WDR91: variants seen among roughly 807,000 people sequenced by gnomAD.
WDR91 encodes the protein WD repeat domain 91, also known as WD repeat-containing protein 91.
WDR91 carries 52 observed loss-of-function variants against 88.4 expected under a neutral mutation model. The observed-to-expected ratio is 0.59, with a 90% CI of 0.47 to 0.74. The LOEUF (loss-of-function observed/expected upper bound fraction) is 0.74. Among genes scored for constraint, WDR91 ranks in the 30% least tolerant of loss-of-function variants. The pLI is 0.00. For synonymous variants in WDR91, 362 were observed against 389.5 expected, an observed-to-expected ratio of 0.93 and a Z score of 0.83; for missense variants, 824 against 954.5, an observed-to-expected ratio of 0.86 and a Z score of 1.80.
In WDR91 at chr7:135,193,365, AG is replaced by A. The variant is rs777079974; in HGVS notation, c.1524del (p.Ser509LeufsTer27). 2 of 1,614,196 alleles carry A rather than the reference AG, an allele frequency of 1.2e-6. No homozygotes were observed. Among genetic ancestry groups the A allele is most frequent in the Non-Finnish European group, 1.7e-6 (2 of 1,180,046 alleles). ...GGAGCTGCTGCCGAACAGACGAAAG[AG>A]GCCCCGTTGGGGCTGCACGCAAGAG... ...ILSLACSPNG[A>X]SFVCSAAAPS... On this transcript the variant is annotated frameshift_variant, in exon 11 of 15. Transcript: ENST00000354475. LOFTEE classifies it high-confidence loss of function.
At chr7:135,198,731 A>C (rs1402022542) in intron 6 of WDR91, 4 of 152,300 alleles carry the variant, frequency 2.6e-5, no homozygotes, top group Non-Finnish European at 5.9e-5. Flanking sequence ...AATGTTAAGA[A>C]AGATAAATCG....
intron 1 of WDR91, among the ~76,000 whole-genome samples, chr7:135,210,328 C>T (rs1014402891): frequency 1.1e-4 from 16 of 151,944 alleles, no homozygotes; most frequent in African/African-American, 7.3e-5. Context: ...CCAGCCTAAG[C>T]GACAGAGTGA....
At position 135,195,189 on chromosome 7, in the gene WDR91, A is replaced by G; in HGVS notation, c.1245-105T>C. On this transcript the variant is annotated intron_variant, in intron 8 of 14. Transcript: ENST00000354475. ...TCCTGACTTCCTTACTGTTTTAAAA[A>G]AACAATCCCTAGAGGTCTACATTCA... 4 of 1,244,602 alleles carry G rather than the reference A, an allele frequency of 3.2e-6. No individual in the cohort carries two copies. The South Asian group carries it at 4.5e-5, about 14-fold the overall frequency. The allele number at this position is 1,244,602 out of a possible 1,614,324, so 77.1% of individuals were successfully genotyped here. A position where few individuals can be genotyped will look rare whatever the true frequency, so the allele number is the denominator to read the frequency against.
At position 135,192,535 on chromosome 7, in the gene WDR91, G is replaced by A. The variant is rs566703531; in HGVS notation, c.1659+696C>T. Among the ~76,000 whole-genome samples the A allele has an allele frequency of 2.6e-5, 4 of 152,240 alleles. 1 individual carries two copies. The highest frequency in any genetic ancestry group is 9.6e-5 in the African/African-American group (4 of 41,478). On this transcript the variant is annotated intron_variant, in intron 11 of 14. Coordinates refer to ENST00000354475, the MANE Select transcript of WDR91 (RefSeq NM_014149.4). The stretch of plus-strand genomic sequence containing the variant: ...TCGAGTGTGACCCTGACGGGCCTGA[G>A]AGGTCTGACAGACCCAAAGGGAACA...
rs1357707350 is a variant in WDR91 at position 135,196,731 on chromosome 7, G to T, written c.1051-394C>A. Among the ~76,000 whole-genome samples, 1 of 152,216 alleles carries T rather than the reference G, an allele frequency of 6.6e-6. No homozygotes were observed. The highest frequency in any genetic ancestry group is 6.5e-5 in the Admixed American group (1 of 15,288). On this transcript the variant is annotated intron_variant, in intron 7 of 14. Coordinates refer to ENST00000354475, the MANE Select transcript of WDR91 (RefSeq NM_014149.4). This position sits in a 1 kb window ranked among gnomAD's most constrained non-coding sequence, Gnocchi z 4.2. ...TTTAGTCCTCCTCAAACAATGAGAT[G>T]CTATTATCTTCCCCATTTTACAGCT... is the stretch of plus-strand genomic sequence containing the variant.
intron 11 of WDR91, among the ~76,000 whole-genome samples, chr7:135,192,021 G>A (rs1436677781): frequency 6.6e-6 from 1 of 151,926 alleles, no homozygotes; most frequent in African/African-American, 2.4e-5. Context: ...GGTCAGACTG[G>A]AAACACACTG....
chr7:135,211,465 C>T lies in WDR91; in HGVS notation c.38G>A (p.Arg13Gln), dbSNP rs747786009. 1 of 1,611,988 alleles carries T rather than the reference C, an allele frequency of 6.2e-7. No homozygotes were observed. The highest frequency in any genetic ancestry group is 2.2e-5 in the East Asian group (1 of 44,752). The change falls in exon 1 of 15, where the codon CGG (arginine) becomes CAG (glutamine). Residue 13 changes from arginine to glutamine, a missense_variant. By Grantham distance (43) the Arg-to-Gln change is conservative (BLOSUM62 1). Transcript: ENST00000354475. Reference sequence around the variant, plus strand: ...GAACCCGCGGAAGAGCAGGTACTCCCGGACCAGCTCGTCAGTGCGCTCCAC... The same window carrying T: ...GAACCCGCGGAAGAGCAGGTACTCCTGGACCAGCTCGTCAGTGCGCTCCAC... ...EAVERTDELV[R>Q]EYLLFRGFTH...
intron 6 of WDR91, chr7:135,201,968 T>C (rs1018100344): frequency 1.3e-5 from 2 of 152,120 alleles, no homozygotes; most frequent in South Asian, 2.1e-4. Context: ...AATCATGCCA[T>C]AGGGACAAAC....
Position 135,196,675 on chromosome 7 carries a change from A to G in WDR91, c.1051-338T>C, listed in dbSNP as rs961463007. Among the ~76,000 whole-genome samples the G allele has an allele frequency of 6.6e-6, 1 of 152,112 alleles. No homozygotes were observed. The highest frequency in any genetic ancestry group is 2.4e-5 in the African/African-American group (1 of 41,408). ...GGAGGATGCGTGGTGCAGGCCACAC[A>G]CCGCGCTGAGTATTTTACAGATTTC... On this transcript the variant is annotated intron_variant, in intron 7 of 14. Coordinates refer to ENST00000354475, the MANE Select transcript of WDR91 (RefSeq NM_014149.4). This position sits in a 1 kb window ranked among gnomAD's most constrained non-coding sequence, Gnocchi z 4.2.
chr7:135,193,765 TG>T lies in WDR91; in HGVS notation c.1396-94del, dbSNP rs931062669. The T allele has an allele frequency of 3.8e-6, 4 of 1,060,420 alleles. No homozygotes were observed. In the African/African-American group the frequency reaches 4.7e-5, roughly 12 times the overall value. 65.7% of individuals were successfully genotyped at this position (1,060,420 alleles called of 1,614,324 possible). ...AGAGGGGGTGAGGCTGGGCAGGCTG[TG>T]GGGGTGAGGCCCCTCCTCTACGCAT... On this transcript the variant is annotated intron_variant, in intron 9 of 14. Transcript: ENST00000354475.
At position 135,183,916 on chromosome 7, in the gene WDR91, T is replaced by A. The variant is rs1405275410; in HGVS notation, c.*2235A>T. 6.6e-6 allele frequency: 1 copy of A among 152,124 alleles called. No individual in the cohort carries two copies. The highest frequency in any genetic ancestry group is 1.9e-4 in the East Asian group (1 of 5,168). The allele number at this position is 152,124 out of a possible 1,614,324, so 9.4% of individuals were successfully genotyped here. On this transcript the variant is annotated 3_prime_UTR_variant, in exon 15 of 15. Coordinates refer to ENST00000354475, the MANE Select transcript of WDR91 (RefSeq NM_014149.4). ...GAAGTGGGATGGGAGAAGCGTAGGG[T>A]TCAAATTTTCTTTGTGTCTCTGTGA...
At chr7:135,186,758 C>T (rs1328217674) in intron 14 of WDR91, among the ~76,000 whole-genome samples, 1 of 152,274 alleles carries the variant, frequency 6.6e-6, no homozygotes, top group Non-Finnish European at 1.5e-5. Context: ...ACACCCAGAA[C>T]AGTGCTGGCC....
In WDR91 at chr7:135,208,856, C is replaced by G. The variant is rs759580172; in HGVS notation, c.446G>C (p.Arg149Pro). 3.1e-6 allele frequency: 5 copies of G among 1,614,078 alleles called. No homozygotes were observed. Among genetic ancestry groups the G allele is most frequent in the Non-Finnish European group, 4.2e-6 (5 of 1,179,982 alleles). Reference sequence around the variant, plus strand: ...CACAATGAAGGTGTCAGCCCACTGTCGAGAAAAGTAGGTAGCAAAGGTGGG... The same window carrying G: ...CACAATGAAGGTGTCAGCCCACTGTGGAGAAAAGTAGGTAGCAAAGGTGGG... ...TNPTFATYFS[R>P]QWADTFIVSL... The change falls in exon 3 of 15, where the codon CGA becomes CCA. Residue 149 changes from arginine (R) to proline (P), a missense_variant. Arg to Pro is a moderately radical substitution (Grantham distance 103). Transcript: ENST00000354475.
In WDR91 at chr7:135,186,972, C is replaced by T; in HGVS notation, c.2079G>A (p.Lys693=). Residue 693 remains lysine (K), a splice_region_variant and synonymous_variant, in exon 14 of 15, where the codon AAG becomes AAA. Transcript: ENST00000354475. The part of the protein sequence containing the change: ...TCSATGGVIY[K]LGGDEKVLES... ...CCTCCCACCCCCAACCATCAGTTAC[C>T]TTGTAGATGACGCCGCCTGTGGCAG... is the stretch of plus-strand genomic sequence containing the variant. 1 of 1,613,622 alleles carries T rather than the reference C, an allele frequency of 6.2e-7. No homozygotes were observed. Among genetic ancestry groups the T allele is most frequent in the Non-Finnish European group, 8.5e-7 (1 of 1,180,040 alleles).
intron 6 of WDR91, among the ~76,000 whole-genome samples, chr7:135,203,154 T>C (rs896183920): frequency 2.0e-5 from 3 of 152,204 alleles, no homozygotes; most frequent in Non-Finnish European, 4.4e-5. Flanking sequence ...AAAGTTAAGG[T>C]GCCTGGCCCC....
intron 8 of WDR91, among the ~76,000 whole-genome samples, chr7:135,195,512 T>C (rs917399176): frequency 3.9e-5 from 6 of 152,246 alleles, no homozygotes; most frequent in Admixed American, 3.3e-4. Context: ...TATACTGTGC[T>C]TAAGTAAAAA....
rs748845351 is a variant in WDR91 at position 135,186,198 on chromosome 7, T to C, written c.2197A>G (p.Met733Val). The part of the protein sequence containing the change: ...MDCGTCLTAS[M>V]DGKIKLTTLL... Reference sequence around the variant, plus strand: ...GTGGTCAGCTTGATCTTGCCATCCATGGAGGCGGTGAGGCAGGTCCCACAG... The same window carrying C: ...GTGGTCAGCTTGATCTTGCCATCCACGGAGGCGGTGAGGCAGGTCCCACAG... Residue 733 changes from methionine to valine, a missense_variant, in exon 15 of 15, where the codon ATG (methionine) becomes GTG (valine). Physicochemically the swap from Met to Val is conservative, Grantham distance 21 (BLOSUM62 1). Coordinates refer to ENST00000354475, the MANE Select transcript of WDR91 (RefSeq NM_014149.4). 2.5e-6 allele frequency: 4 copies of C among 1,607,958 alleles called. No homozygotes were observed. The highest frequency in any genetic ancestry group is 3.4e-6 in the Non-Finnish European group (4 of 1,177,568).
intron 14 of WDR91, 71 bp downstream of exon 14, chr7:135,186,900 TG>T: frequency 6.3e-7 from 1 of 1,576,380 alleles, no homozygotes; most frequent in Middle Eastern, 2.3e-4. Flanking sequence ...TCAGTAGCCA[TG>T]GCCCAGACCT....
intron 13 of WDR91, among the ~76,000 whole-genome samples, chr7:135,187,963 G>A (rs1268620878): frequency 2.0e-5 from 3 of 152,312 alleles, no homozygotes; most frequent in Non-Finnish European, 4.4e-5. Context: ...CTCTGAGGCA[G>A]TCACTATTCC....
Sources: allele counts gnomAD v4.1 joint callset (sites outside exome capture counted in the v4.1 genomes callset), GRCh38; gene constraint gnomAD v4.1.1; non-coding constraint Gnocchi (gnomAD v3.1); transcripts MANE v1.5; gene names NCBI Gene and HGNC (gene_info 2026-07-23, HGNC 2026-07-21).